Variants in MMP16 observed in about 807,000 individuals in gnomAD.
MMP16 encodes the protein matrix metalloproteinase-16.
Under a neutral mutation model 67.8 loss-of-function variants are expected in MMP16, and 12 were observed. The ratio of observed to expected loss-of-function variants is 0.18; its 90% CI spans 0.11 to 0.29. MMP16 has a LOEUF of 0.29. Among genes scored for constraint, MMP16 ranks in the 10% least tolerant of loss-of-function variants. The pLI is 1.00. For missense variants in MMP16, 475 were observed against 765.7 expected (o/e 0.62, Z 4.48); for synonymous variants, 249 against 255.9 (o/e 0.97, Z 0.26).
intron 1 of MMP16, among the ~76,000 whole-genome samples, chr8:88,225,204 T>C (rs1314413069): frequency 1.3e-5 from 2 of 152,030 alleles, no homozygotes; most frequent in East Asian, 3.9e-4. Flanking sequence ...TTGTTTCAAA[T>C]GGATAAAAAT....
At chr8:88,317,583 C>T (rs1382926484) in intron 1 of MMP16, among the ~76,000 whole-genome samples, 1 of 152,036 alleles carries the variant, frequency 6.6e-6, no homozygotes, top group Non-Finnish European at 1.5e-5. Flanking sequence ...AGTGAGAAAA[C>T]CAAACCAGCA....
intron 1 of MMP16, among the ~76,000 whole-genome samples, chr8:88,320,784 A>C (rs1811447847): frequency 6.6e-6 from 1 of 152,032 alleles, no homozygotes; most frequent in Non-Finnish European, 1.5e-5. Context: ...TATATACTAC[A>C]CCAAGAGGTC....
At chr8:88,070,489 A>G (rs1171724990) in intron 7 of MMP16, among the ~76,000 whole-genome samples, 1 of 151,930 alleles carries the variant, frequency 6.6e-6, no homozygotes, top group Non-Finnish European at 1.5e-5. Flanking sequence ...TTCCTTTTCT[A>G]GATTTGAGTA....
In MMP16 at chr8:88,144,806, A is replaced by T. The variant is rs115995430; in HGVS notation, c.709+22863T>A. Reference sequence around the variant, plus strand: ...ATTTAAAATTCAATATATCCAAGATACAATTTAAGACATCACAATTTTTAA... The same window carrying T: ...ATTTAAAATTCAATATATCCAAGATTCAATTTAAGACATCACAATTTTTAA... On this transcript the variant is annotated intron_variant, in intron 4 of 9. Coordinates refer to ENST00000286614, the MANE Select transcript of MMP16 (RefSeq NM_005941.5). 3.7e-3 allele frequency among the ~76,000 whole-genome samples: 565 copies of T among 152,104 alleles called. 5 individuals carry two copies. Among genetic ancestry groups the T allele is most frequent in the African/African-American group, 0.013 (535 of 41,548 alleles).
chr8:88,098,699 A>G (rs1809076347), intron 6 of MMP16, among the ~76,000 whole-genome samples: 2 of 152,004 alleles, frequency 1.3e-5, no homozygotes, highest in African/African-American at 4.8e-5. Context: ...AGCAAAGTAG[A>G]AAACAACTTC....
At chr8:88,223,897 GGA>G (rs1300826661) in intron 1 of MMP16, among the ~76,000 whole-genome samples, 1 of 151,852 alleles carries the variant, frequency 6.6e-6, no homozygotes, top group Admixed American at 6.6e-5. Flanking sequence ...CTGAAAAGTG[GGA>G]GAGTTTCATA....
At chr8:88,070,441 G>C (rs1416807003) in intron 7 of MMP16, among the ~76,000 whole-genome samples, 1 of 152,106 alleles carries the variant, frequency 6.6e-6, no homozygotes, top group Non-Finnish European at 1.5e-5. Context: ...GGCCCTCCGT[G>C]AGTGTCAGGC....
At chr8:88,164,195 T>A (rs1275462231) in intron 4 of MMP16, among the ~76,000 whole-genome samples, 1 of 152,092 alleles carries the variant, frequency 6.6e-6, no homozygotes, top group Non-Finnish European at 1.5e-5. Context: ...TTCATTTGCA[T>A]TTTTGCTAAA....
chr8:88,200,083 T>C (rs1481528351), intron 1 of MMP16, among the ~76,000 whole-genome samples: 1 of 152,020 alleles, frequency 6.6e-6, no homozygotes, highest in Non-Finnish European at 1.5e-5. Context: ...CCCTGAGTTC[T>C]TAAAATCATT....
intron 4 of MMP16, among the ~76,000 whole-genome samples, chr8:88,160,834 G>A (rs533777060): frequency 7.0e-4 from 106 of 151,616 alleles, no homozygotes; most frequent in African/African-American, 2.4e-3. Flanking sequence ...ACATGCACAC[G>A]TATGTTTATT....
At chr8:88,193,876 C>T (rs1041529853) in intron 2 of MMP16, among the ~76,000 whole-genome samples, 2 of 151,714 alleles carry the variant, frequency 1.3e-5, no homozygotes, top group African/African-American at 4.8e-5. Flanking sequence ...TATTGCCTTG[C>T]TATTTTTTTG....
At chr8:88,201,639 T>G (rs1809346585) in intron 1 of MMP16, among the ~76,000 whole-genome samples, 1 of 152,162 alleles carries the variant, frequency 6.6e-6, no homozygotes, top group African/African-American at 2.4e-5. Context: ...TCTGATATAA[T>G]TAACTGACTT....
intron 6 of MMP16, among the ~76,000 whole-genome samples, chr8:88,115,557 C>T (rs28906370): frequency 0.055 from 8,295 of 151,692 alleles, 340 homozygotes; most frequent in Admixed American, 0.11. Flanking sequence ...TAAAATTATA[C>T]GAAATCTGTA....
At chr8:88,081,079 G>A (rs576876612) in intron 6 of MMP16, among the ~76,000 whole-genome samples, 1 of 152,040 alleles carries the variant, frequency 6.6e-6, no homozygotes, top group Non-Finnish European at 1.5e-5. Context: ...ATAGGTGAGT[G>A]GAGTTTGGAA....
chr8:88,061,752 TTGCTGTTTATAAAAACTA>T, intron 7 of MMP16, among the ~76,000 whole-genome samples: 2 of 152,286 alleles, frequency 1.3e-5, no homozygotes, highest in Admixed American at 1.3e-4. Flanking sequence ...ACTGTTATTG[TTGCTGTTTATAAAAACTA>T]TGCATTGAAA....
intron 4 of MMP16, among the ~76,000 whole-genome samples, chr8:88,155,495 CACT>C (rs948258681): frequency 6.6e-6 from 1 of 151,930 alleles, no homozygotes; most frequent in African/African-American, 2.4e-5. Flanking sequence ...CTGAATTGCA[CACT>C]ACTGTCTCAT....
intron 6 of MMP16, among the ~76,000 whole-genome samples, chr8:88,087,476 T>C (rs2118330447): frequency 6.6e-6 from 1 of 151,992 alleles, no homozygotes; most frequent in African/African-American, 2.4e-5. Context: ...AAAGGAGATG[T>C]TTCATGATAT....
chr8:88,194,599 A>G (rs1809222325), intron 2 of MMP16, among the ~76,000 whole-genome samples: 1 of 152,016 alleles, frequency 6.6e-6, no homozygotes, highest in Non-Finnish European at 1.5e-5. Context: ...AAAAATAGGC[A>G]GGAAGCAAAT....
chr8:88,143,398 G>T (rs1488595725), intron 4 of MMP16, among the ~76,000 whole-genome samples: 2 of 152,096 alleles, frequency 1.3e-5, no homozygotes. Context: ...CATAAAGTGT[G>T]AAGAGTTCTA....
Sources: gnomAD v4.1 joint callset for allele counts (sites outside exome capture counted in the v4.1 genomes callset) on GRCh38, gnomAD v4.1.1 for gene constraint, MANE v1.5 for transcripts, NCBI Gene and HGNC (gene_info 2026-07-23, HGNC 2026-07-21) for gene names.